The following BCLAF3 variants were observed in gnomAD, a reference collection of about 807,000 sequenced individuals.
BCLAF3 encodes the protein BCLAF1 and THRAP3 family member 3.
BCLAF3 carries 24 observed loss-of-function variants against 51.2 expected under a neutral mutation model. That is an observed-to-expected ratio of 0.47 (90% confidence interval 0.34 to 0.66). The LOEUF (loss-of-function observed/expected upper bound fraction) is 0.66, where lower values mean the gene tolerates loss of function less well. Ranked by LOEUF, BCLAF3 falls within the 30% of genes least tolerant of loss-of-function variation. The pLI is 0.01. For synonymous variants in BCLAF3, 152 were observed against 176.6 expected, an observed-to-expected ratio of 0.86 and a Z score of 1.10; for missense variants, 465 against 525.1, an observed-to-expected ratio of 0.89 and a Z score of 1.12.
chrX:19,951,001 A>G, intron 7 of BCLAF3, 133 bp from the exon 8 acceptor site: 1 of 387,124 alleles, frequency 2.6e-6, no homozygotes, highest in Middle Eastern at 6.7e-4. Flanking sequence ...ATTGTAAACT[A>G]ATACAAATAT....
chrX:19,975,505 G>A (rs752117415), intron 1 of BCLAF3, among the ~76,000 whole-genome samples: 2 of 110,559 alleles, frequency 1.8e-5, no homozygotes, highest in South Asian at 3.8e-4. Context: ...CACCACACCC[G>A]ACTAATCTTT....
intron 10 of BCLAF3, among the ~76,000 whole-genome samples, chrX:19,931,092 A>G (rs968976171): frequency 1.8e-5 from 2 of 112,421 alleles, no homozygotes; most frequent in African/African-American, 6.5e-5. Context: ...TTACTTAAAA[A>G]GAACACTTCC....
chrX:19,939,961 A>T (rs1327253163), intron 8 of BCLAF3, among the ~76,000 whole-genome samples: 1 of 112,342 alleles, frequency 8.9e-6, no homozygotes, highest in African/African-American at 3.2e-5. Context: ...CAATGGAAAC[A>T]GACTTTCTGT....
intron 1 of BCLAF3, among the ~76,000 whole-genome samples, chrX:19,972,936 G>A (rs1433221288): frequency 2.7e-5 from 3 of 112,028 alleles, no homozygotes; most frequent in East Asian, 2.8e-4. Context: ...ACGCTCTTAC[G>A]AACATTTGTG....
At chrX:19,933,202 C>T (rs1312169027) in intron 10 of BCLAF3, among the ~76,000 whole-genome samples, 1 of 111,812 alleles carries the variant, frequency 8.9e-6, no homozygotes, top group Non-Finnish European at 1.9e-5. Context: ...TAGTGAAAGC[C>T]GAAATGTATG....
intron 7 of BCLAF3, among the ~76,000 whole-genome samples, chrX:19,951,295 C>T (rs759954020): frequency 6.3e-5 from 7 of 111,258 alleles, no homozygotes; most frequent in Non-Finnish European, 1.1e-4. Context: ...TAGAAAAGTG[C>T]TTATTGAAAA....
Position 19,914,101 on chromosome X carries a change from T to C in BCLAF3, c.*3204A>G, listed in dbSNP as rs2069872996. On this transcript the variant is annotated 3_prime_UTR_variant, in exon 12 of 12. Coordinates refer to ENST00000379682, the MANE Select transcript of BCLAF3 (RefSeq NM_001367774.2). ...TCTCTGACTTCTGCAGGATTTGGCTTTCCCAGGCTGCTCTGAGACCTGGGA... is the reference window on the plus strand; with the variant it reads ...TCTCTGACTTCTGCAGGATTTGGCTCTCCCAGGCTGCTCTGAGACCTGGGA... 1 of 110,815 alleles carries C rather than the reference T, an allele frequency of 9.0e-6. No individual in the cohort carries two copies. Among genetic ancestry groups the C allele is most frequent in the South Asian group, 3.8e-4 (1 of 2,603 alleles). The allele number at this position is 110,815 out of a possible 1,213,427, so 9.1% of individuals were successfully genotyped here.
At chrX:19,972,611 T>C (rs1317879956) in intron 1 of BCLAF3, among the ~76,000 whole-genome samples, 1 of 111,978 alleles carries the variant, frequency 8.9e-6, no homozygotes, top group Non-Finnish European at 1.9e-5. Flanking sequence ...GTAGAACATT[T>C]TCATCCTCCC....
chrX:19,955,926 T>A (rs762180051), intron 4 of BCLAF3, among the ~76,000 whole-genome samples: 68 of 112,241 alleles, frequency 6.1e-4, no homozygotes, highest in African/African-American at 2.0e-3. Context: ...ACATTGTTAG[T>A]CCAGCAAAAT....
chrX:19,966,431 A>G lies in BCLAF3; in HGVS notation c.260T>C (p.Leu87Ser), dbSNP rs754803337. ...AGGCTTATACATATAAACATTTTCT[A>G]AAGAGTTTCTTATGTTAGGGGAAGG... ...RSPSPNIRNSLENVYMYKPHR... is the reference protein window; with the variant it reads ...RSPSPNIRNSSENVYMYKPHR... The change falls in exon 3 of 12, where the codon TTA becomes TCA. Residue 87 changes from leucine (L) to serine (S), a missense_variant. Physicochemically the swap from Leu to Ser is moderately radical, Grantham distance 145. Transcript: ENST00000379682. 3.3e-6 allele frequency: 4 copies of G among 1,209,392 alleles called. No homozygotes were observed.
intron 4 of BCLAF3, among the ~76,000 whole-genome samples, chrX:19,962,204 C>G (rs944338620): frequency 2.7e-5 from 3 of 111,444 alleles, no homozygotes; most frequent in Non-Finnish European, 5.7e-5. Context: ...ATTTTTGAGA[C>G]AGGGTCTCGC....
intron 11 of BCLAF3, among the ~76,000 whole-genome samples, chrX:19,926,420 T>C (rs1167620856): frequency 8.9e-6 from 1 of 111,739 alleles, no homozygotes; most frequent in Non-Finnish European, 1.9e-5. Context: ...TTCTGATTTC[T>C]ATTTGCTGTG....
chrX:19,977,330 T>C (rs978310414), intron 1 of BCLAF3, among the ~76,000 whole-genome samples: 3 of 112,240 alleles, frequency 2.7e-5, no homozygotes, highest in Non-Finnish European at 5.6e-5. Flanking sequence ...AACAGCCAAG[T>C]TGTGGATGCA....
chrX:19,977,252 A>G (rs912012746), intron 1 of BCLAF3, among the ~76,000 whole-genome samples: 7 of 112,210 alleles, frequency 6.2e-5, no homozygotes, highest in African/African-American at 2.3e-4. Flanking sequence ...AAAGCTAGAA[A>G]TGATTAAGCT....
chrX:19,976,058 A>G (rs1037783014), intron 1 of BCLAF3, among the ~76,000 whole-genome samples: 1 of 111,373 alleles, frequency 9.0e-6, no homozygotes, highest in African/African-American at 3.3e-5. Context: ...CCTCAAATTT[A>G]TAACTCCAGC....
Position 19,935,981 on chromosome X carries a change from T to A in BCLAF3, c.1861-83A>T, listed in dbSNP as rs1454574573. 5.2e-6 allele frequency: 4 copies of A among 776,297 alleles called. No individual in the cohort carries two copies. The East Asian group carries it at 9.5e-5, about 19-fold the overall frequency. 64.0% of individuals were successfully genotyped at this position (776,297 alleles called of 1,213,427 possible). On this transcript the variant is annotated intron_variant, in intron 9 of 11. Transcript: ENST00000379682. ...TTGTTTTACCATTAGAAAACACATTTTAAATGTACAGGATTAAGAACACAA... is the reference window on the plus strand; with the variant it reads ...TTGTTTTACCATTAGAAAACACATTATAAATGTACAGGATTAAGAACACAA...
At chrX:19,970,530 T>A (rs2072222401) in intron 1 of BCLAF3, among the ~76,000 whole-genome samples, 1 of 111,682 alleles carries the variant, frequency 9.0e-6, no homozygotes, top group South Asian at 3.7e-4. Flanking sequence ...ATTTTAGGCT[T>A]TGCAGGCCAT....
chrX:19,940,020 A>G (rs978566394), intron 8 of BCLAF3, among the ~76,000 whole-genome samples: 2 of 112,142 alleles, frequency 1.8e-5, no homozygotes, highest in Non-Finnish European at 3.8e-5. Flanking sequence ...GTGATTGTAC[A>G]ACACTGTGAA....
chrX:19,928,400 T>C (rs2070430168), intron 11 of BCLAF3, among the ~76,000 whole-genome samples: 1 of 108,535 alleles, frequency 9.2e-6, no homozygotes, highest in Non-Finnish European at 1.9e-5. Context: ...CTGGCCTACA[T>C]GGACAAACCC....
Sources: allele counts gnomAD v4.1 joint callset (sites outside exome capture counted in the v4.1 genomes callset), GRCh38; gene constraint gnomAD v4.1.1; transcripts MANE v1.5; gene names NCBI Gene and HGNC (gene_info 2026-07-23, HGNC 2026-07-21).